SNAPC3: variants seen among roughly 807,000 people sequenced by gnomAD.
SNAPC3 encodes the protein snRNA-activating protein complex subunit 3.
A neutral mutation model predicts 47.7 loss-of-function variants in SNAPC3; 56 were observed. The observed-to-expected ratio is 1.18, with a 90% CI of 0.95 to 1.47. The LOEUF (loss-of-function observed/expected upper bound fraction) is 1.47, where lower values mean the gene tolerates loss of function less well. SNAPC3 is among the 40% of genes most tolerant of loss of function. The pLI is 0.00. For missense variants in SNAPC3, 665 were observed against 511.3 expected, an observed-to-expected ratio of 1.30 and a Z score of -2.90; for synonymous variants, 235 against 189.9, an observed-to-expected ratio of 1.24 and a Z score of -1.95.
intron 2 of SNAPC3, among the ~76,000 whole-genome samples, chr9:15,429,033 G>C (rs887749346): frequency 6.6e-6 from 1 of 152,014 alleles, no homozygotes; most frequent in Admixed American, 6.6e-5. Flanking sequence ...CAGACTTATT[G>C]ACTTTTGGGA....
At chr9:15,438,400 T>C (rs1027968084) in intron 3 of SNAPC3, among the ~76,000 whole-genome samples, 1 of 152,132 alleles carries the variant, frequency 6.6e-6, no homozygotes, top group Non-Finnish European at 1.5e-5. Flanking sequence ...TTTGTCAAAT[T>C]TGATGTTTTC....
chr9:15,466,453 A>T (rs1224623781), downstream of SNAPC3, among the ~76,000 whole-genome samples: 9 of 152,252 alleles, frequency 5.9e-5, no homozygotes, highest in Non-Finnish European at 1.3e-4. Context: ...AATTCAAGAA[A>T]GTGTGAATGC....
intron 2 of SNAPC3, among the ~76,000 whole-genome samples, chr9:15,428,605 G>C (rs984450725): frequency 6.6e-6 from 1 of 151,936 alleles, no homozygotes; most frequent in Non-Finnish European, 1.5e-5. Flanking sequence ...GTTTACCTTG[G>C]CTTAGAATTT....
chr9:15,431,954 A>G (rs189794007), intron 2 of SNAPC3: 1 of 125,424 alleles, frequency 8.0e-6, no homozygotes, highest in African/African-American at 2.8e-5. Flanking sequence ...GGGCCGTGCT[A>G]ATCTTAAATA....
chr9:15,432,381 C>T (rs552908461), intron 2 of SNAPC3, among the ~76,000 whole-genome samples: 7 of 152,044 alleles, frequency 4.6e-5, no homozygotes, highest in Non-Finnish European at 8.8e-5. Context: ...ACAATGAGAA[C>T]GCCTAGAACC....
chr9:15,433,774 T>A, intron 3 of SNAPC3, 138 bp downstream of exon 3: 1 of 527,390 alleles, frequency 1.9e-6, no homozygotes, highest in Non-Finnish European at 3.3e-6. Context: ...CTCCTTTGAG[T>A]CTGGGAACTA....
At chr9:15,452,186 C>A (rs544315599) in intron 6 of SNAPC3, among the ~76,000 whole-genome samples, 1 of 152,224 alleles carries the variant, frequency 6.6e-6, no homozygotes, top group South Asian at 2.1e-4. Flanking sequence ...TGGTCTTGAA[C>A]TCCTGGCCTC....
chr9:15,463,941 T>TA (rs2035431878), downstream of SNAPC3: 1 of 162,372 alleles, frequency 6.2e-6, no homozygotes, highest in South Asian at 2.0e-4. Context: ...ACTGTTTAGT[T>TA]ACCCCGTTTC....
At chr9:15,464,445 T>A (rs2035472134), downstream of SNAPC3, 1 of 199,642 alleles carries the variant, frequency 5.0e-6, no homozygotes, top group Non-Finnish European at 1.0e-5. Context: ...ACCCTTAAAT[T>A]TTGTAACATT....
At chr9:15,447,713 T>C (rs1304962314) in intron 5 of SNAPC3, among the ~76,000 whole-genome samples, 3 of 152,078 alleles carry the variant, frequency 2.0e-5, no homozygotes, top group Admixed American at 2.0e-4. Context: ...TCTGTCAGAG[T>C]TGTGATCTGT....
intron 3 of SNAPC3, among the ~76,000 whole-genome samples, chr9:15,434,935 T>G (rs988957519): frequency 6.6e-6 from 1 of 152,228 alleles, no homozygotes; most frequent in African/African-American, 2.4e-5. Flanking sequence ...TTTCATTTAT[T>G]TTGCGTCTGC....
chr9:15,445,750 A>G (rs114389874), intron 4 of SNAPC3, among the ~76,000 whole-genome samples: 6,099 of 152,202 alleles, frequency 0.04, 414 homozygotes, highest in African/African-American at 0.14. Context: ...GGAGTTCAAG[A>G]TCAGCCTAGA....
At chr9:15,457,031 T>G (rs1202514009) in intron 7 of SNAPC3, among the ~76,000 whole-genome samples, 1 of 152,206 alleles carries the variant, frequency 6.6e-6, no homozygotes, top group Non-Finnish European at 1.5e-5. Flanking sequence ...TCTGTCATCA[T>G]TTAAAGGATT....
chr9:15,446,941 T>A (rs963999034), intron 4 of SNAPC3, among the ~76,000 whole-genome samples, 154 bp from the exon 5 acceptor site: 2 of 152,224 alleles, frequency 1.3e-5, no homozygotes, highest in African/African-American at 4.8e-5. Context: ...AGTTTGGCCC[T>A]ATAATTATTG....
chr9:15,450,916 C>T (rs1030371631), intron 5 of SNAPC3, among the ~76,000 whole-genome samples: 4 of 152,028 alleles, frequency 2.6e-5, no homozygotes, highest in Non-Finnish European at 5.9e-5. Context: ...CTAAGAGTTA[C>T]TGAAAATATA....
chr9:15,439,695 C>T (rs2033150635), intron 3 of SNAPC3, among the ~76,000 whole-genome samples: 1 of 152,034 alleles, frequency 6.6e-6, no homozygotes, highest in South Asian at 2.1e-4. Context: ...CCACCACACC[C>T]GGCTAATTTT....
intron 5 of SNAPC3, among the ~76,000 whole-genome samples, chr9:15,449,268 A>G (rs2034180346): frequency 6.6e-6 from 1 of 152,236 alleles, no homozygotes; most frequent in South Asian, 2.1e-4. Flanking sequence ...TGCTCAAAGC[A>G]GTTTGAGTCA....
intron 4 of SNAPC3, 66 bp downstream of exon 4, chr9:15,444,772 G>A (rs2033792677): frequency 3.5e-6 from 3 of 857,530 alleles, no homozygotes; most frequent in Non-Finnish European, 5.7e-6. Flanking sequence ...TTAATTATTT[G>A]AAGAGTCATA....
chr9:15,430,112 A>G (rs1312482307), intron 2 of SNAPC3, among the ~76,000 whole-genome samples: 1 of 152,256 alleles, frequency 6.6e-6, no homozygotes, highest in Non-Finnish European at 1.5e-5. Flanking sequence ...CACAAAGGAA[A>G]CATCAATGAC....
Sources: allele counts gnomAD v4.1 joint callset (sites outside exome capture counted in the v4.1 genomes callset), GRCh38; gene constraint gnomAD v4.1.1; transcripts MANE v1.5; gene names NCBI Gene and HGNC (gene_info 2026-07-23, HGNC 2026-07-21).